The following TMEM51 variants were observed in gnomAD, a reference collection of about 807,000 sequenced individuals.
TMEM51 encodes the protein transmembrane protein 51, also known as chromosome 1 open reading frame 72.
Under a neutral mutation model 13.6 loss-of-function variants are expected in TMEM51, and 8 were observed. The observed-to-expected ratio is 0.59, with a 90% CI of 0.35 to 1.07. The LOEUF is 1.07. Ranked by LOEUF, TMEM51 falls within the 50% of genes least tolerant of loss-of-function variation. The pLI, the probability that TMEM51 is intolerant of heterozygous loss-of-function variation, is 0.02. For missense variants in TMEM51, 279 were observed against 330.7 expected, an observed-to-expected ratio of 0.84 and a Z score of 1.21; for synonymous variants, 147 against 144.4, an observed-to-expected ratio of 1.02 and a Z score of -0.13.
At chr1:15,165,638 A>G (rs1642968690) in intron 1 of TMEM51, among the ~76,000 whole-genome samples, 1 of 152,184 alleles carries the variant, frequency 6.6e-6, no homozygotes, top group Non-Finnish European at 1.5e-5. Flanking sequence ...TCCCGAGGTA[A>G]CAATTTATGG....
intron 1 of TMEM51, among the ~76,000 whole-genome samples, chr1:15,205,262 G>T (rs1644229025): frequency 6.6e-6 from 1 of 152,202 alleles, no homozygotes; most frequent in Non-Finnish European, 1.5e-5. Flanking sequence ...GGATTAGCAA[G>T]GACCCTGGTG....
chr1:15,195,058 G>A (rs1644020138), intron 1 of TMEM51, among the ~76,000 whole-genome samples: 1 of 151,164 alleles, frequency 6.6e-6, no homozygotes, highest in African/African-American at 2.4e-5. Context: ...CCAAGTAGCT[G>A]GGACTACAGG....
At position 15,165,597 on chromosome 1, in the gene TMEM51, T is replaced by C. The variant is rs544605683; in HGVS notation, c.-267+11643T>C. On this transcript the variant is annotated intron_variant, in intron 1 of 3. Coordinates refer to ENST00000376008, the MANE Select transcript of TMEM51 (RefSeq NM_001136218.2). ...ACTTTTAATTCCAAGATTTTAACCT[T>C]GTTATTAATATCTTCAATACCAAGA... Among the ~76,000 whole-genome samples the C allele has an allele frequency of 2.6e-5, 4 of 152,356 alleles. No homozygotes were observed. The East Asian group carries it at 7.7e-4, about 29-fold the overall frequency.
At chr1:15,153,002 G>A (rs1395805161), upstream of TMEM51, among the ~76,000 whole-genome samples, 1 of 152,220 alleles carries the variant, frequency 6.6e-6, no homozygotes, top group East Asian at 1.9e-4. Context: ...CCCATCCATT[G>A]CCCGCGCGCA....
At chr1:15,208,345 G>A (rs1034767551) in intron 1 of TMEM51, among the ~76,000 whole-genome samples, 5 of 152,200 alleles carry the variant, frequency 3.3e-5, no homozygotes, top group African/African-American at 1.2e-4. Flanking sequence ...AAGATAGCCA[G>A]GCATGGTGGC....
At chr1:15,203,351 T>G (rs1644191881) in intron 1 of TMEM51, among the ~76,000 whole-genome samples, 1 of 152,066 alleles carries the variant, frequency 6.6e-6, no homozygotes, top group African/African-American at 2.4e-5. Flanking sequence ...GCCTCCCTGG[T>G]TCAAGCCATT....
intron 1 of TMEM51, among the ~76,000 whole-genome samples, chr1:15,197,883 C>A (rs1644081091): frequency 1.3e-5 from 2 of 151,420 alleles, no homozygotes; most frequent in East Asian, 1.9e-4. Flanking sequence ...ACCCAGCCAG[C>A]CACCACCTTT....
chr1:15,177,156 G>A (rs918340585), intron 1 of TMEM51, among the ~76,000 whole-genome samples: 2 of 152,102 alleles, frequency 1.3e-5, no homozygotes, highest in African/African-American at 4.8e-5. Flanking sequence ...GGCCAGAGAC[G>A]CCAGATTTTC....
chr1:15,206,104 G>T (rs975821834), intron 1 of TMEM51, among the ~76,000 whole-genome samples: 15 of 152,034 alleles, frequency 9.9e-5, no homozygotes, highest in African/African-American at 3.4e-4. Flanking sequence ...GGACATGGTG[G>T]TGTGTGCCTG....
At chr1:15,214,311 G>A (rs536665415) in intron 2 of TMEM51, among the ~76,000 whole-genome samples, 23 of 152,272 alleles carry the variant, frequency 1.5e-4, no homozygotes, top group African/African-American at 5.1e-4. Flanking sequence ...TTGGGGGTGG[G>A]TAGTGCAAAG....
At chr1:15,175,117 A>C (rs1643415702) in intron 1 of TMEM51, among the ~76,000 whole-genome samples, 1 of 152,252 alleles carries the variant, frequency 6.6e-6, no homozygotes, top group South Asian at 2.1e-4. Flanking sequence ...CTAGGGCCGT[A>C]GGCTGGGTGC....
chr1:15,160,368 G>A (rs1005917998), intron 1 of TMEM51, among the ~76,000 whole-genome samples: 1 of 152,144 alleles, frequency 6.6e-6, no homozygotes, highest in Non-Finnish European at 1.5e-5. Flanking sequence ...CTGCCTCCTG[G>A]ATTCAAGCAA....
At chr1:15,204,700 C>T (rs1352175673) in intron 1 of TMEM51, among the ~76,000 whole-genome samples, 2 of 152,194 alleles carry the variant, frequency 1.3e-5, no homozygotes, top group Non-Finnish European at 1.5e-5. Flanking sequence ...TGTGCCTCAG[C>T]GTATTCCTTG....
At chr1:15,202,328 C>T (rs1352656368) in intron 1 of TMEM51, among the ~76,000 whole-genome samples, 9 of 152,232 alleles carry the variant, frequency 5.9e-5, no homozygotes. Context: ...AGGCACCATA[C>T]ACAGGTGTGA....
At chr1:15,198,959 T>C (rs1437550039) in intron 1 of TMEM51, among the ~76,000 whole-genome samples, 1 of 152,124 alleles carries the variant, frequency 6.6e-6, no homozygotes, top group Non-Finnish European at 1.5e-5. Flanking sequence ...TGTTTACAGA[T>C]TGACGTGGCA....
At chr1:15,211,160 G>T (rs969572757) in intron 2 of TMEM51, among the ~76,000 whole-genome samples, 1 of 152,142 alleles carries the variant, frequency 6.6e-6, no homozygotes. Context: ...TATATAATCC[G>T]AGTGTTGTGA....
chr1:15,212,047 G>A (rs929940623), intron 2 of TMEM51, among the ~76,000 whole-genome samples: 6 of 152,194 alleles, frequency 3.9e-5, no homozygotes, highest in Admixed American at 2.6e-4. Flanking sequence ...CCTTAAGTGC[G>A]TGAACCATAA....
intron 1 of TMEM51, among the ~76,000 whole-genome samples, chr1:15,178,418 C>T (rs1643514516): frequency 6.6e-6 from 1 of 152,138 alleles, no homozygotes; most frequent in South Asian, 2.1e-4. Flanking sequence ...GATCACTTGG[C>T]TAATTAAAAG....
chr1:15,182,025 G>A (rs10927701), intron 1 of TMEM51, among the ~76,000 whole-genome samples: 65,402 of 151,266 alleles, frequency 0.43, 14,998 homozygotes, highest in East Asian at 0.87. Context: ...GCTGGGCGTG[G>A]TGGTGTGCAC....
Sources: allele counts gnomAD v4.1 joint callset (sites outside exome capture counted in the v4.1 genomes callset), GRCh38; gene constraint gnomAD v4.1.1; transcripts MANE v1.5; gene names NCBI Gene and HGNC (gene_info 2026-07-23, HGNC 2026-07-21).